The following CKAP4 variants were observed in gnomAD, a reference collection of about 807,000 sequenced individuals.
CKAP4 encodes the protein cytoskeleton-associated protein 4.
Under a neutral mutation model 24.4 loss-of-function variants are expected in CKAP4, and 20 were observed. The ratio of observed to expected loss-of-function variants is 0.82; its 90% confidence interval spans 0.58 to 1.19. The LOEUF (loss-of-function observed/expected upper bound fraction) is 1.19. Among genes scored for constraint, CKAP4 ranks in the 50% most tolerant of loss-of-function variants. The pLI, the probability that CKAP4 is intolerant of heterozygous loss-of-function variation, is 0.00. For synonymous variants in CKAP4, 378 were observed against 351.7 expected (o/e 1.07, Z -0.84); for missense variants, 744 against 765.3 (o/e 0.97, Z 0.33).
Position 106,247,351 on chromosome 12 carries a change from G to A in CKAP4, c.483+18C>T, listed in dbSNP as rs1364858320. On this transcript the variant is annotated intron_variant, in intron 1 of 1. Coordinates refer to ENST00000378026, the MANE Select transcript of CKAP4 (RefSeq NM_006825.4). The surrounding 1 kb of genome is among the most constrained non-coding windows in gnomAD (Gnocchi z 4.5). ...GGCCGCAGTCGATGGGGACAGTTGC[G>A]GGGCCGGGGGTACCCACCTTCTGCT... 2 of 1,517,370 alleles carry A rather than the reference G, an allele frequency of 1.3e-6. No homozygotes were observed. The highest frequency in any genetic ancestry group is 1.8e-6 in the Non-Finnish European group (2 of 1,136,768). 94.0% of individuals were successfully genotyped at this position (1,517,370 alleles called of 1,614,324 possible).
chr12:106,240,489 C>T, intron 1 of CKAP4, 140 bp from the exon 2 acceptor site: 1 of 931,102 alleles, frequency 1.1e-6, no homozygotes, highest in Non-Finnish European at 1.6e-6. Flanking sequence ...AACATCCTTC[C>T]ACATATAGTC....
chr12:106,245,232 C>T (rs762912196), intron 1 of CKAP4, among the ~76,000 whole-genome samples: 8 of 152,126 alleles, frequency 5.3e-5, no homozygotes, highest in Non-Finnish European at 7.4e-5. Context: ...GGGATACAGG[C>T]GAAATTCCAC....
rs2033940334 is a variant in CKAP4 at position 106,239,098 on chromosome 12, C to T, written c.1735G>A (p.Gly579Ser). The T allele has an allele frequency of 6.2e-7, 1 of 1,614,038 alleles. No homozygotes were observed. Among genetic ancestry groups the T allele is most frequent in the Non-Finnish European group, 8.5e-7 (1 of 1,180,020 alleles). Reference sequence around the variant, plus strand: ...TCATTCCTCAGGTCATCTAGTAAACCCTTGGCTGATTCCAGATTGTTCTCG... The same window carrying T: ...TCATTCCTCAGGTCATCTAGTAAACTCTTGGCTGATTCCAGATTGTTCTCG... ...TNENNLESAK[G>S]LLDDLRNDLD... The change falls in exon 2 of 2, where the codon GGT (glycine) becomes AGT (serine). Residue 579 changes from glycine (G) to serine (S), a missense_variant. By Grantham distance (56) the Gly-to-Ser change is moderately conservative. Transcript: ENST00000378026. This position sits in a 1 kb window ranked among gnomAD's most constrained non-coding sequence, Gnocchi z 4.9.
Position 106,238,950 on chromosome 12 carries a change from C to G in CKAP4, c.*74G>C. On this transcript the variant is annotated 3_prime_UTR_variant, in exon 2 of 2. Transcript: ENST00000378026. ...ACAAGAAATTGGGGGGTAGGGGACA[C>G]ATGGGAAAAAACCACACATTTTTTG... 1 of 1,536,282 alleles carries G rather than the reference C, an allele frequency of 6.5e-7. No homozygotes were observed.
chr12:106,244,497 G>C (rs1278169919), intron 1 of CKAP4, among the ~76,000 whole-genome samples: 1 of 152,186 alleles, frequency 6.6e-6, no homozygotes, highest in Non-Finnish European at 1.5e-5. Context: ...AAGAAAAGTG[G>C]TCAGCCAGGC....
intron 1 of CKAP4, among the ~76,000 whole-genome samples, chr12:106,242,228 A>G (rs193291025): frequency 6.6e-6 from 1 of 152,362 alleles, no homozygotes; most frequent in African/African-American, 2.4e-5. Flanking sequence ...TAATATATCA[A>G]GTACTTAAAC....
Position 106,239,519 on chromosome 12 carries a change from C to G in CKAP4, c.1314G>C (p.Leu438=). 6.2e-7 allele frequency: 1 copy of G among 1,610,142 alleles called. No homozygotes were observed. Among genetic ancestry groups the G allele is most frequent in the Non-Finnish European group, 8.5e-7 (1 of 1,179,332 alleles). Residue 438 remains leucine (L), a synonymous_variant, in exon 2 of 2, where the codon CTG becomes CTC. Transcript: ENST00000378026. The surrounding 1 kb of genome is among the most constrained non-coding windows in gnomAD (Gnocchi z 4.9). ...GCTGCTCGTGCTCCTGGCTCTTGGACAGGAGGGACTCCAGGCTCTCGGTCT... is the reference window on the plus strand; with the variant it reads ...GCTGCTCGTGCTCCTGGCTCTTGGAGAGGAGGGACTCCAGGCTCTCGGTCT... ...ARQTESLESL[L]SKSQEHEQRL...
chr12:106,239,168 A>G lies in CKAP4; in HGVS notation c.1665T>C (p.Thr555=), dbSNP rs2033941064. 1.2e-6 allele frequency: 2 copies of G among 1,614,008 alleles called. No homozygotes were observed. Among genetic ancestry groups the G allele is most frequent in the South Asian group, 2.2e-5 (2 of 91,082 alleles). The change falls in exon 2 of 2, where the codon ACT becomes ACC. Residue 555 remains threonine (T), a synonymous_variant. Coordinates refer to ENST00000378026, the MANE Select transcript of CKAP4 (RefSeq NM_006825.4). The surrounding 1 kb of genome is among the most constrained non-coding windows in gnomAD (Gnocchi z 4.9). The stretch of plus-strand genomic sequence containing the variant: ...AGTATGCAACCAAACTGTCCACAGC[A>G]GTCCTGAGCATTTTCAAGTCCGCCT... ...QVEADLKMLR[T]AVDSLVAYSV...
intron 1 of CKAP4, among the ~76,000 whole-genome samples, chr12:106,241,377 G>A (rs1238224972): frequency 1.4e-5 from 2 of 141,812 alleles, no homozygotes; most frequent in Non-Finnish European, 3.0e-5. Context: ...CTGTCGCCCA[G>A]GCTGGAGTGC....
intron 1 of CKAP4, among the ~76,000 whole-genome samples, chr12:106,241,220 T>C (rs2033967274): frequency 6.6e-6 from 1 of 152,048 alleles, no homozygotes; most frequent in African/African-American, 2.4e-5. Context: ...CTGTGTTCTG[T>C]TAAAACAAAC....
rs919751015 is a variant in CKAP4 at position 106,246,468 on chromosome 12, C to A, written c.483+901G>T. Among the ~76,000 whole-genome samples, 9 of 152,100 alleles carry A rather than the reference C, an allele frequency of 5.9e-5. No individual in the cohort carries two copies. In the East Asian group the frequency reaches 1.7e-3, roughly 29 times the overall value. On this transcript the variant is annotated intron_variant, in intron 1 of 1. Coordinates refer to ENST00000378026, the MANE Select transcript of CKAP4 (RefSeq NM_006825.4). ...CCCCTAAAGCGGAAGTAGGGCCGGG[C>A]GCAGTGGCTCACGCCTGTAATCCCA...
In CKAP4 at chr12:106,239,342, G is replaced by A. The variant is rs1565948203; in HGVS notation, c.1491C>T (p.Pro497=). 14 of 1,606,718 alleles carry A rather than the reference G, an allele frequency of 8.7e-6. No homozygotes were observed. Among genetic ancestry groups the A allele is most frequent in the Non-Finnish European group, 1.2e-5 (14 of 1,179,756 alleles). The change falls in exon 2 of 2, where the codon CCC becomes CCT. Residue 497 remains proline (P), a synonymous_variant. Coordinates refer to ENST00000378026, the MANE Select transcript of CKAP4 (RefSeq NM_006825.4). This position sits in a 1 kb window ranked among gnomAD's most constrained non-coding sequence, Gnocchi z 4.9. ...CCTTCTGGAGTGATTCCACGGTGCT[G>A]GGGAGCTCGCCCACACTCCTCTTCA... ...EELKRSVGEL[P]STVESLQKVQ...
At position 106,247,259 on chromosome 12, in the gene CKAP4, C is replaced by T; in HGVS notation, c.483+110G>A. 1 of 1,007,096 alleles carries T rather than the reference C, an allele frequency of 9.9e-7. No individual in the cohort carries two copies. The highest frequency in any genetic ancestry group is 1.4e-6 in the Non-Finnish European group (1 of 729,356). 62.4% of individuals were successfully genotyped at this position (1,007,096 alleles called of 1,614,324 possible). On this transcript the variant is annotated intron_variant, in intron 1 of 1. Coordinates refer to ENST00000378026, the MANE Select transcript of CKAP4 (RefSeq NM_006825.4). This position sits in a 1 kb window ranked among gnomAD's most constrained non-coding sequence, Gnocchi z 4.5. ...AAGGAGGAGCGGCCGGCTCCCGCCT[C>T]CGGGCCTGGGCAGGCAGCGCTAGGG...
In CKAP4 at chr12:106,239,764, G is replaced by A. The variant is rs1267000612; in HGVS notation, c.1069C>T (p.Leu357Phe). The change falls in exon 2 of 2, where the codon CTC becomes TTC. Residue 357 changes from leucine (L) to phenylalanine (F), a missense_variant. Physicochemically the swap from Leu to Phe is conservative, Grantham distance 22. Coordinates refer to ENST00000378026, the MANE Select transcript of CKAP4 (RefSeq NM_006825.4). The surrounding 1 kb of genome is among the most constrained non-coding windows in gnomAD (Gnocchi z 4.9). ...CGGGAGACGGACTCCTCAGACCTGAGAAGCTTCTCCGTGAGGGCCTGCAGG... is the reference window on the plus strand; with the variant it reads ...CGGGAGACGGACTCCTCAGACCTGAAAAGCTTCTCCGTGAGGGCCTGCAGG... ...LALQALTEKL[L>F]RSEESVSRLP... The A allele has an allele frequency of 3.7e-6, 6 of 1,613,826 alleles. No homozygotes were observed. In the Admixed American group the frequency reaches 8.3e-5, roughly 22 times the overall value.
Position 106,247,651 on chromosome 12 carries a change from G to C in CKAP4, c.201C>G (p.Gly67=). 5 of 1,084,756 alleles carry C rather than the reference G, an allele frequency of 4.6e-6. No individual in the cohort carries two copies. Among genetic ancestry groups the C allele is most frequent in the Non-Finnish European group, 5.8e-6 (5 of 865,008 alleles). The allele number at this position is 1,084,756 out of a possible 1,614,324, so 67.2% of individuals were successfully genotyped here. Residue 67 remains glycine (G), a synonymous_variant, in exon 1 of 2, where the codon GGC becomes GGG. Transcript: ENST00000378026. The surrounding 1 kb of genome is among the most constrained non-coding windows in gnomAD (Gnocchi z 4.5). ...QHPQNQAHGK[G]GHRGGGGGGG... ...CGCCGCCGCCGCCGCCGCGGTGGCC[G>C]CCCTTGCCGTGCGCCTGGTTCTGCG...
chr12:106,246,735 C>G (rs978889959), intron 1 of CKAP4: 1 of 152,652 alleles, frequency 6.6e-6, no homozygotes, highest in Admixed American at 6.5e-5. Context: ...GAGCCAGACT[C>G]CCTCTCAAAA....
chr12:106,239,741 G>A lies in CKAP4; in HGVS notation c.1092C>T (p.Ser364=). 6.2e-7 allele frequency: 1 copy of A among 1,613,954 alleles called. No homozygotes were observed. The highest frequency in any genetic ancestry group is 1.7e-5 in the Admixed American group (1 of 60,022). ...GTCTCCGGATCTCCTCCGGGAGGCG[G>A]GAGACGGACTCCTCAGACCTGAGAA... ...EKLLRSEESV[S]RLPEEIRRLE... Residue 364 remains serine (S), a synonymous_variant, in exon 2 of 2, where the codon TCC becomes TCT. Coordinates refer to ENST00000378026, the MANE Select transcript of CKAP4 (RefSeq NM_006825.4). This position sits in a 1 kb window ranked among gnomAD's most constrained non-coding sequence, Gnocchi z 4.9.
At chr12:106,246,191 T>C (rs889148436) in intron 1 of CKAP4, among the ~76,000 whole-genome samples, 11 of 152,180 alleles carry the variant, frequency 7.2e-5, no homozygotes, top group Admixed American at 1.3e-4. Context: ...CTGTGGACCC[T>C]TGACGAACAG....
rs1490428690 is a variant in CKAP4 at position 106,240,244 on chromosome 12, C to A, written c.589G>T (p.Val197Phe). 2 of 1,614,070 alleles carry A rather than the reference C, an allele frequency of 1.2e-6. No individual in the cohort carries two copies. The highest frequency in any genetic ancestry group is 2.7e-5 in the African/African-American group (2 of 74,930). Residue 197 changes from valine (V) to phenylalanine (F), a missense_variant, in exon 2 of 2, where the codon GTC becomes TTC. By Grantham distance (50) the Val-to-Phe change is conservative. Coordinates refer to ENST00000378026, the MANE Select transcript of CKAP4 (RefSeq NM_006825.4). ...EKAVKQGESE[V>F]SRISEVLQKL... ...TGCAGCACTTCGCTGATCCGGCTGA[C>A]CTCACTCTCCCCTTGCTTCACAGCT...
Sources: allele counts gnomAD v4.1 joint callset (sites outside exome capture counted in the v4.1 genomes callset), GRCh38; gene constraint gnomAD v4.1.1; non-coding constraint Gnocchi (gnomAD v3.1); transcripts MANE v1.5; gene names NCBI Gene and HGNC (gene_info 2026-07-23, HGNC 2026-07-21).